KLHL1: variants seen among roughly 807,000 people sequenced by gnomAD.
The protein encoded by KLHL1 is kelch-like protein 1.
A neutral mutation model predicts 77.7 loss-of-function variants in KLHL1; 47 were observed. That is an observed-to-expected ratio of 0.60 (90% confidence interval 0.48 to 0.77). KLHL1 has a LOEUF of 0.77. Among genes scored for constraint, KLHL1 ranks in the 30% least tolerant of loss-of-function variants. KLHL1 has a pLI of 0.00. For synonymous variants in KLHL1, 360 were observed against 325.2 expected (o/e 1.11, Z -1.15); for missense variants, 925 against 910.8 (o/e 1.02, Z -0.20).
intron 3 of KLHL1, among the ~76,000 whole-genome samples, chr13:69,943,789 A>T (rs1593973030): frequency 6.6e-6 from 1 of 152,174 alleles, no homozygotes; most frequent in Admixed American, 6.6e-5. Flanking sequence ...GTTTTGACTT[A>T]AAACTTCAGA....
intron 2 of KLHL1, among the ~76,000 whole-genome samples, chr13:69,970,405 G>A (rs1445982982): frequency 6.6e-6 from 1 of 151,942 alleles, no homozygotes; most frequent in Non-Finnish European, 1.5e-5. Context: ...TTTCTACTTT[G>A]TTTCCTATAT....
chr13:69,965,668 CT>C (rs1292104329), intron 2 of KLHL1, among the ~76,000 whole-genome samples: 1 of 152,144 alleles, frequency 6.6e-6, no homozygotes, highest in East Asian at 1.9e-4. Flanking sequence ...AAAGCTAGGC[CT>C]TTTTTGCCAA....
At chr13:69,734,543 GAA>G (rs750002919) in intron 8 of KLHL1, among the ~76,000 whole-genome samples, 14 of 152,022 alleles carry the variant, frequency 9.2e-5, no homozygotes, top group Non-Finnish European at 1.6e-4. Context: ...AAGAAAATAA[GAA>G]AGAAAATAAA....
At chr13:69,823,156 C>G (rs1878406651) in intron 6 of KLHL1, among the ~76,000 whole-genome samples, 3 of 151,888 alleles carry the variant, frequency 2.0e-5, no homozygotes, top group Non-Finnish European at 4.4e-5. Flanking sequence ...CTGCATCCAT[C>G]ATTTATTGAA....
chr13:69,875,421 T>A (rs1593908962), intron 5 of KLHL1, among the ~76,000 whole-genome samples: 1 of 152,046 alleles, frequency 6.6e-6, no homozygotes, highest in South Asian at 2.1e-4. Context: ...ATTGCAGTAG[T>A]GGAACCCCTT....
chr13:69,881,489 T>G (rs1022332171), intron 5 of KLHL1, among the ~76,000 whole-genome samples: 1 of 152,176 alleles, frequency 6.6e-6, no homozygotes, highest in Admixed American at 6.5e-5. Flanking sequence ...AGTTTACCCA[T>G]CAACTTAGAA....
intron 9 of KLHL1, among the ~76,000 whole-genome samples, chr13:69,709,989 T>C (rs1449293786): frequency 6.6e-6 from 1 of 151,770 alleles, no homozygotes; most frequent in Admixed American, 6.6e-5. Context: ...CATTTAATTA[T>C]TATTCAGCTT....
chr13:69,795,044 G>A (rs951784467), intron 7 of KLHL1, among the ~76,000 whole-genome samples: 7 of 152,118 alleles, frequency 4.6e-5, no homozygotes, highest in African/African-American at 1.2e-4. Flanking sequence ...ACATAATGCC[G>A]AATTTCCTAT....
intron 8 of KLHL1, among the ~76,000 whole-genome samples, chr13:69,729,186 G>A (rs7335452): frequency 0.052 from 7,958 of 152,052 alleles, 353 homozygotes; most frequent in African/African-American, 0.12. Context: ...TTTTGTGTGT[G>A]TTTTCTTTAT....
chr13:69,964,614 G>C (rs1192797882), intron 2 of KLHL1, among the ~76,000 whole-genome samples: 1 of 152,016 alleles, frequency 6.6e-6, no homozygotes, highest in African/African-American at 2.4e-5. Flanking sequence ...GACTCAGATT[G>C]CATATATGGT....
At chr13:70,010,063 T>C (rs555710379) in intron 1 of KLHL1, among the ~76,000 whole-genome samples, 1 of 151,424 alleles carries the variant, frequency 6.6e-6, no homozygotes, top group Non-Finnish European at 1.5e-5. Flanking sequence ...GAATTCTTGG[T>C]AGTTTCAAAA....
intron 1 of KLHL1, among the ~76,000 whole-genome samples, chr13:70,040,464 A>G (rs1886349179): frequency 6.6e-6 from 1 of 152,192 alleles, no homozygotes; most frequent in South Asian, 2.1e-4. Flanking sequence ...ATTTTAAAAA[A>G]TTCTTCTTAT....
intron 3 of KLHL1, among the ~76,000 whole-genome samples, chr13:69,952,271 A>G (rs1668142523): frequency 6.6e-6 from 1 of 151,514 alleles, no homozygotes; most frequent in Non-Finnish European, 1.5e-5. Flanking sequence ...AATCAATGGC[A>G]TATGTTTCCA....
intron 7 of KLHL1, among the ~76,000 whole-genome samples, chr13:69,776,564 C>T (rs1440157424): frequency 6.6e-6 from 1 of 152,022 alleles, no homozygotes; most frequent in Non-Finnish European, 1.5e-5. Flanking sequence ...ATTCCATTAC[C>T]ACATGCACAT....
At chr13:69,721,062 G>GATATATATATATATATATAT (rs753780468) in intron 8 of KLHL1, among the ~76,000 whole-genome samples, 1 of 20,654 alleles carries the variant, frequency 4.8e-5, no homozygotes, top group Admixed American at 6.2e-4. Flanking sequence ...TAGCTACTAA[G>GATATATATATATATATATAT]ATATATATAT....
intron 6 of KLHL1, among the ~76,000 whole-genome samples, chr13:69,824,273 A>G (rs1215417981): frequency 6.6e-6 from 1 of 152,106 alleles, no homozygotes; most frequent in African/African-American, 2.4e-5. Context: ...AGAAAAGACC[A>G]TAAAAAAGCA....
intron 4 of KLHL1, among the ~76,000 whole-genome samples, chr13:69,932,753 GAACA>G (rs1883041122): frequency 2.0e-5 from 3 of 151,608 alleles, no homozygotes; most frequent in African/African-American, 4.8e-5. Flanking sequence ...AAGCTCAGTA[GAACA>G]AATAGAATAA....
intron 1 of KLHL1, among the ~76,000 whole-genome samples, chr13:69,989,369 T>A (rs764195751): frequency 2.6e-5 from 4 of 152,050 alleles, no homozygotes; most frequent in African/African-American, 2.4e-5. Flanking sequence ...CATTGTAGTA[T>A]GGTTTGAAGT....
At position 69,781,392 on chromosome 13, in the gene KLHL1, T is replaced by C. The variant is rs546058720; in HGVS notation, c.1639+15346A>G. On this transcript the variant is annotated intron_variant, in intron 7 of 10. Coordinates refer to ENST00000377844, the MANE Select transcript of KLHL1 (RefSeq NM_020866.3). ...ACCCACAATGCATGAAAATGTCTTT[T>C]TGTTTCTTCATACTTGAGAAATAGC... Among the ~76,000 whole-genome samples the C allele has an allele frequency of 4.6e-5, 7 of 152,050 alleles. No homozygotes were observed. In the East Asian group the frequency reaches 9.7e-4, roughly 21 times the overall value.
Sources: allele counts gnomAD v4.1 joint callset (sites outside exome capture counted in the v4.1 genomes callset), GRCh38; gene constraint gnomAD v4.1.1; transcripts MANE v1.5; gene names NCBI Gene and HGNC (gene_info 2026-07-23, HGNC 2026-07-21).